Variants in GPR137C observed in about 807,000 individuals in gnomAD.
GPR137C encodes the protein G protein-coupled receptor 137C.
A neutral mutation model predicts 43.4 loss-of-function variants in GPR137C; 27 were observed. The ratio of observed to expected loss-of-function variants is 0.62; its 90% CI spans 0.46 to 0.86. The LOEUF is 0.86. Ranked by LOEUF, GPR137C falls within the 40% of genes least tolerant of loss-of-function variation. The pLI is 0.00. For missense variants in GPR137C, 522 were observed against 534.6 expected, an observed-to-expected ratio of 0.98 and a Z score of 0.23; for synonymous variants, 285 against 226.9, an observed-to-expected ratio of 1.26 and a Z score of -2.30.
At position 52,561,033 on chromosome 14, in the gene GPR137C, G is replaced by T. The variant is rs563391594; in HGVS notation, c.444+7442G>T. Among the ~76,000 whole-genome samples the T allele has an allele frequency of 5.1e-4, 78 of 152,168 alleles. 3 individuals are homozygous for T. In the South Asian group the frequency reaches 0.015, roughly 30 times the overall value. ...GAAAATCCAGTAAAAATGAACAAAGGATTTGAACAGATACTTCACAAAAAA... is the reference window on the plus strand; with the variant it reads ...GAAAATCCAGTAAAAATGAACAAAGTATTTGAACAGATACTTCACAAAAAA... On this transcript the variant is annotated intron_variant, in intron 1 of 6. Coordinates refer to ENST00000321662, the MANE Select transcript of GPR137C (RefSeq NM_001099652.2).
intron 1 of GPR137C, chr14:52,596,996 A>G (rs1175421794): frequency 8.8e-6 from 4 of 455,102 alleles, no homozygotes; most frequent in Non-Finnish European, 1.8e-5. Flanking sequence ...CGTTTGTAAC[A>G]ATGCATTTCT....
intron 1 of GPR137C, among the ~76,000 whole-genome samples, chr14:52,564,855 C>T (rs1413856967): frequency 1.3e-5 from 2 of 151,982 alleles, no homozygotes; most frequent in Non-Finnish European, 2.9e-5. Context: ...GGAGGAATCC[C>T]TGAATATATA....
At chr14:52,556,527 A>G (rs1343323571) in intron 1 of GPR137C, among the ~76,000 whole-genome samples, 1 of 151,944 alleles carries the variant, frequency 6.6e-6, no homozygotes, top group African/African-American at 2.4e-5. Context: ...AGGGGGAAAA[A>G]AAAAAGAAAA....
At chr14:52,566,930 G>A (rs1041247667) in intron 1 of GPR137C, among the ~76,000 whole-genome samples, 1 of 152,106 alleles carries the variant, frequency 6.6e-6, no homozygotes, top group Non-Finnish European at 1.5e-5. Flanking sequence ...TGGCCAACAT[G>A]GTAAAACCCT....
In GPR137C at chr14:52,590,790, CTG is replaced by C. The variant is rs569904220; in HGVS notation, c.445-7480_445-7479del. Among the ~76,000 whole-genome samples the C allele has an allele frequency of 8.5e-5, 13 of 152,206 alleles. No homozygotes were observed. In the South Asian group the frequency reaches 2.7e-3, roughly 32 times the overall value. ...CCATCTAGGTTTGTGTAAATATACT[CTG>C]TAATGTTCACACACTGACACATTGT... On this transcript the variant is annotated intron_variant, in intron 1 of 6. Coordinates refer to ENST00000321662, the MANE Select transcript of GPR137C (RefSeq NM_001099652.2).
At chr14:52,570,186 A>T (rs939129667) in intron 1 of GPR137C, among the ~76,000 whole-genome samples, 8 of 152,218 alleles carry the variant, frequency 5.3e-5, no homozygotes, top group Admixed American at 5.2e-4. Context: ...GTGGGGGCCA[A>T]TATTCCAACA....
intron 3 of GPR137C, chr14:52,611,489 A>C: frequency 3.0e-6 from 1 of 328,744 alleles, no homozygotes; most frequent in Non-Finnish European, 4.4e-6. Context: ...GATTTTTGTC[A>C]TATTCCTTGA....
chr14:52,597,075 C>A, intron 1 of GPR137C: 2 of 426,886 alleles, frequency 4.7e-6, no homozygotes, highest in Admixed American at 4.9e-5. Context: ...GCACAGGCAT[C>A]TATCTTTGCC....
intron 3 of GPR137C, among the ~76,000 whole-genome samples, chr14:52,607,821 G>A (rs964084635): frequency 6.6e-6 from 1 of 151,884 alleles, no homozygotes; most frequent in African/African-American, 2.4e-5. Context: ...GTTGCAGTGA[G>A]CTGAGATCAC....
At chr14:52,586,831 G>A (rs1398566561) in intron 1 of GPR137C, among the ~76,000 whole-genome samples, 1 of 152,078 alleles carries the variant, frequency 6.6e-6, no homozygotes, top group Non-Finnish European at 1.5e-5. Context: ...TTTTTTGTCA[G>A]TGGTGCCCTC....
intron 1 of GPR137C, among the ~76,000 whole-genome samples, chr14:52,576,632 C>G (rs1334032023): frequency 6.6e-6 from 1 of 152,258 alleles, no homozygotes; most frequent in East Asian, 1.9e-4. Flanking sequence ...TATACATCAT[C>G]GAGGCAGAAA....
intron 1 of GPR137C, among the ~76,000 whole-genome samples, chr14:52,563,676 C>T (rs958314116): frequency 2.6e-5 from 4 of 152,134 alleles, no homozygotes; most frequent in African/African-American, 9.7e-5. Flanking sequence ...TGGTTCTCCT[C>T]TTTTGTTCCC....
At chr14:52,575,868 C>T (rs1406098207) in intron 1 of GPR137C, among the ~76,000 whole-genome samples, 1 of 152,192 alleles carries the variant, frequency 6.6e-6, no homozygotes, top group Non-Finnish European at 1.5e-5. Context: ...TAAGGTTTCT[C>T]TTAGTCCAGG....
chr14:52,563,828 C>T (rs2038323708), intron 1 of GPR137C, among the ~76,000 whole-genome samples: 1 of 152,182 alleles, frequency 6.6e-6, no homozygotes, highest in South Asian at 2.1e-4. Flanking sequence ...AGTCCATTCA[C>T]TTCTTCCCTT....
chr14:52,610,300 CAGTCCTTTTCTAAAATAATGCCTGGCATA>C, intron 3 of GPR137C, among the ~76,000 whole-genome samples: 1 of 152,130 alleles, frequency 6.6e-6, no homozygotes. Flanking sequence ...ATTCATTTTT[CAGTCCTTTTCTAAAATAATGCCTGGCATA>C]TTTTAGTGAA....
intron 1 of GPR137C, among the ~76,000 whole-genome samples, chr14:52,596,759 C>T (rs992395731): frequency 5.7e-4 from 86 of 152,176 alleles, no homozygotes; most frequent in African/African-American, 1.9e-3. Flanking sequence ...AAGGGAAATT[C>T]CCCAACCCCT....
At chr14:52,591,789 GAT>G (rs2139508313) in intron 1 of GPR137C, among the ~76,000 whole-genome samples, 1 of 152,260 alleles carries the variant, frequency 6.6e-6, no homozygotes. Flanking sequence ...TGTTCACTCT[GAT>G]GACAGTTTCT....
At chr14:52,571,441 G>A (rs534164215) in intron 1 of GPR137C, among the ~76,000 whole-genome samples, 16 of 152,190 alleles carry the variant, frequency 1.1e-4, no homozygotes, top group Admixed American at 7.9e-4. Flanking sequence ...GAGAGAGGCC[G>A]AGGCGGGTGG....
chr14:52,590,449 C>G (rs1464236089), intron 1 of GPR137C, among the ~76,000 whole-genome samples: 1 of 152,070 alleles, frequency 6.6e-6, no homozygotes, highest in Non-Finnish European at 1.5e-5. Flanking sequence ...CATAAGTGTA[C>G]AATGTTTATA....
Sources: allele counts gnomAD v4.1 joint callset (sites outside exome capture counted in the v4.1 genomes callset), GRCh38; gene constraint gnomAD v4.1.1; transcripts MANE v1.5; gene names NCBI Gene and HGNC (gene_info 2026-07-23, HGNC 2026-07-21).